Variants in UBE2QL1 observed in about 807,000 individuals in gnomAD.
UBE2QL1 encodes ubiquitin conjugating enzyme E2 QL1.
In UBE2QL1, 5 loss-of-function variants were observed where a neutral mutation model predicts 12.6. The observed-to-expected ratio is 0.40, with a 90% CI of 0.21 to 0.83. The LOEUF (loss-of-function observed/expected upper bound fraction) is 0.83. Ranked by LOEUF, UBE2QL1 falls within the 40% of genes least tolerant of loss-of-function variation. The probability of loss-of-function intolerance (pLI) is 0.37; values close to 1 mark genes in which losing one functional copy is unlikely to be tolerated. For missense variants in UBE2QL1, 99 were observed against 222.6 expected (o/e 0.44, Z 3.53); for synonymous variants, 96 against 94.5 (o/e 1.02, Z -0.10).
In UBE2QL1 at chr5:6,478,911, C is replaced by T. The variant is rs138479408; in HGVS notation, c.355-12307C>T. 3.2e-3 allele frequency among the ~76,000 whole-genome samples: 484 copies of T among 152,222 alleles called. 3 individuals are homozygous for T. The highest frequency in any genetic ancestry group is 0.011 in the African/African-American group (465 of 41,544). On this transcript the variant is annotated intron_variant, in intron 1 of 1. Transcript: ENST00000399816. This position sits in a 1 kb window ranked among gnomAD's most constrained non-coding sequence, Gnocchi z 4.5. ...GGGTGCCCATCGGTGCATCTGATCT[C>T]CCTGGCACCCCTCCACTCCCCTCTG...
At chr5:6,490,263 C>T (rs911177890) in intron 1 of UBE2QL1, among the ~76,000 whole-genome samples, 11 of 152,334 alleles carry the variant, frequency 7.2e-5, no homozygotes, top group East Asian at 1.9e-4. Context: ...AGCATCACCC[C>T]GACTCCTGGT....
At chr5:6,449,601 A>C (rs1739370652) in intron 1 of UBE2QL1, among the ~76,000 whole-genome samples, 1 of 147,396 alleles carries the variant, frequency 6.8e-6, no homozygotes. Context: ...TCCCTCTCCC[A>C]TACCCTCCTC....
In UBE2QL1 at chr5:6,483,993, C is replaced by G. The variant is rs1267857544; in HGVS notation, c.355-7225C>G. The stretch of plus-strand genomic sequence containing the variant: ...CAAACAGTGCATTCTGAAAGTGTAA[C>G]CGAAAGATCAGGTTTATGGCTTCTG... On this transcript the variant is annotated intron_variant, in intron 1 of 1. Transcript: ENST00000399816. 2.0e-5 allele frequency among the ~76,000 whole-genome samples: 3 copies of G among 152,320 alleles called. No individual in the cohort carries two copies. The East Asian group carries it at 5.8e-4, about 29-fold the overall frequency.
At chr5:6,471,896 A>G (rs1422375081) in intron 1 of UBE2QL1, among the ~76,000 whole-genome samples, 1 of 152,198 alleles carries the variant, frequency 6.6e-6, no homozygotes, top group Non-Finnish European at 1.5e-5. Context: ...CATGTAAACC[A>G]CATTTGTATT....
intron 1 of UBE2QL1, among the ~76,000 whole-genome samples, chr5:6,461,507 G>A (rs1440100866): frequency 7.2e-6 from 1 of 139,596 alleles, no homozygotes; most frequent in African/African-American, 2.6e-5. Context: ...TAGGCAGAAA[G>A]CATCCTCCTA....
Position 6,482,637 on chromosome 5 carries a change from T to C in UBE2QL1, c.355-8581T>C, listed in dbSNP as rs6891569. On this transcript the variant is annotated intron_variant, in intron 1 of 1. Coordinates refer to ENST00000399816, the MANE Select transcript of UBE2QL1 (RefSeq NM_001145161.3). ...GGCTATTCAGCCCCCTAGGGAGTGC[T>C]TGGCAATAGGCAGAGACATTTTTGG... Among the ~76,000 whole-genome samples, 302 of 152,118 alleles carry C rather than the reference T, an allele frequency of 2.0e-3. 1 individual carries two copies. The highest frequency in any genetic ancestry group is 0.01 in the Middle Eastern group (3 of 294).
At chr5:6,459,576 A>G (rs925695395) in intron 1 of UBE2QL1, among the ~76,000 whole-genome samples, 2 of 152,216 alleles carry the variant, frequency 1.3e-5, no homozygotes, top group Non-Finnish European at 2.9e-5. Flanking sequence ...AACAAAATGC[A>G]TAGGATTTCA....
At chr5:6,472,265 C>T (rs956307580) in intron 1 of UBE2QL1, among the ~76,000 whole-genome samples, 6 of 152,180 alleles carry the variant, frequency 3.9e-5, no homozygotes, top group Admixed American at 1.3e-4. Context: ...TCTCCCACCT[C>T]CCTGTGGTCA....
Position 6,491,645 on chromosome 5 carries a change from C to A in UBE2QL1, c.*296C>A. 4.7e-6 allele frequency: 1 copy of A among 213,924 alleles called. No individual in the cohort carries two copies. The highest frequency in any genetic ancestry group is 1.1e-4 in the East Asian group (1 of 9,440). The allele number at this position is 213,924 out of a possible 1,614,324, so 13.3% of individuals were successfully genotyped here. The stretch of plus-strand genomic sequence containing the variant: ...TGCCTGCCCCTCTGCCCACCCCGGT[C>A]ACATTGCCCTGAGCTTCTTTCCATG... On this transcript the variant is annotated 3_prime_UTR_variant, in exon 2 of 2. Coordinates refer to ENST00000399816, the MANE Select transcript of UBE2QL1 (RefSeq NM_001145161.3).
At chr5:6,489,378 C>T (rs751153228) in intron 1 of UBE2QL1, among the ~76,000 whole-genome samples, 1 of 151,400 alleles carries the variant, frequency 6.6e-6, no homozygotes, top group Non-Finnish European at 1.5e-5. Flanking sequence ...GAGCTACGAT[C>T]GCGCCACTGC....
chr5:6,453,221 A>G (rs949402018), intron 1 of UBE2QL1, among the ~76,000 whole-genome samples: 1 of 152,218 alleles, frequency 6.6e-6, no homozygotes, highest in Non-Finnish European at 1.5e-5. Flanking sequence ...GTAGTTTCAC[A>G]GAGTCAGGTG....
At chr5:6,485,790 G>A (rs1294319997) in intron 1 of UBE2QL1, among the ~76,000 whole-genome samples, 1 of 152,164 alleles carries the variant, frequency 6.6e-6, no homozygotes, top group African/African-American at 2.4e-5. Flanking sequence ...AAGTATGTTT[G>A]CAAAGAAAAG....
At chr5:6,484,994 G>C (rs1734436350) in intron 1 of UBE2QL1, among the ~76,000 whole-genome samples, 1 of 152,004 alleles carries the variant, frequency 6.6e-6, no homozygotes, top group Non-Finnish European at 1.5e-5. Context: ...ATCGGTCCCT[G>C]CAGTTTGAAT....
intron 1 of UBE2QL1, among the ~76,000 whole-genome samples, chr5:6,485,099 AAC>A (rs1230692509): frequency 2.0e-5 from 3 of 151,968 alleles, no homozygotes; most frequent in African/African-American, 7.2e-5. Flanking sequence ...CACACAAATG[AAC>A]ACACGTGCAC....
intron 1 of UBE2QL1, among the ~76,000 whole-genome samples, chr5:6,482,670 C>A (rs1174466235): frequency 9.9e-5 from 15 of 152,194 alleles, no homozygotes. Context: ...TGGTTGCCAC[C>A]ACTCGGGAGA....
chr5:6,482,840 G>A (rs78894805), intron 1 of UBE2QL1, among the ~76,000 whole-genome samples: 4,744 of 152,258 alleles, frequency 0.031, 218 homozygotes, highest in African/African-American at 0.11. Context: ...GCACAGGAGC[G>A]CCCAAGCTGG....
At chr5:6,489,373 A>G (rs1734522422) in intron 1 of UBE2QL1, among the ~76,000 whole-genome samples, 1 of 152,086 alleles carries the variant, frequency 6.6e-6, no homozygotes, top group South Asian at 2.1e-4. Flanking sequence ...GCTGTGAGCT[A>G]CGATCGCGCC....
chr5:6,458,723 T>G (rs1470356974), intron 1 of UBE2QL1, among the ~76,000 whole-genome samples: 1 of 152,162 alleles, frequency 6.6e-6, no homozygotes, highest in African/African-American at 2.4e-5. Flanking sequence ...CAACTCTGCT[T>G]CTCAGCCAAG....
chr5:6,487,683 G>A (rs76779036), intron 1 of UBE2QL1, among the ~76,000 whole-genome samples: 4,042 of 152,356 alleles, frequency 0.027, 197 homozygotes, highest in African/African-American at 0.09. Context: ...GAAAAACGCT[G>A]TTAATTGTAT....
Sources: allele counts gnomAD v4.1 joint callset (sites outside exome capture counted in the v4.1 genomes callset), GRCh38; gene constraint gnomAD v4.1.1; non-coding constraint Gnocchi (gnomAD v3.1); transcripts MANE v1.5; gene names NCBI Gene and HGNC (gene_info 2026-07-23, HGNC 2026-07-21).